Variants in MIPEP observed in about 807,000 individuals in gnomAD.
The protein encoded by MIPEP is mitochondrial intermediate peptidase.
In MIPEP, 79 loss-of-function variants were observed where a neutral mutation model predicts 90.3. That is an observed-to-expected ratio of 0.87 (90% CI 0.73 to 1.05). The LOEUF (loss-of-function observed/expected upper bound fraction) is 1.05. Among genes scored for constraint, MIPEP ranks in the 50% least tolerant of loss-of-function variants. MIPEP has a pLI of 0.00. For missense variants in MIPEP, 940 were observed against 905.6 expected (o/e 1.04, Z -0.49); for synonymous variants, 334 against 315.8 (o/e 1.06, Z -0.61).
chr13:23,814,299 C>A (rs1246333790), intron 14 of MIPEP, among the ~76,000 whole-genome samples: 2 of 152,182 alleles, frequency 1.3e-5, no homozygotes, highest in East Asian at 3.9e-4. Flanking sequence ...CTCTGTTGCC[C>A]AGGCTGGAGT....
chr13:23,864,007 T>C (rs1870422730), intron 8 of MIPEP, 134 bp downstream of exon 8: 4 of 533,548 alleles, frequency 7.5e-6, no homozygotes, highest in South Asian at 6.9e-5. Context: ...GTATGTCTCA[T>C]AGTGAGACAG....
intron 18 of MIPEP, among the ~76,000 whole-genome samples, chr13:23,755,835 C>T (rs1952485793): frequency 6.6e-6 from 1 of 151,818 alleles, no homozygotes; most frequent in South Asian, 2.1e-4. Context: ...ACAAATCTAA[C>T]CCAATGCCTT....
intron 1 of MIPEP, chr13:23,888,742 C>G: frequency 9.8e-7 from 1 of 1,020,922 alleles, no homozygotes; most frequent in Non-Finnish European, 1.2e-6. Context: ...TGTGAACGCA[C>G]AGGGATAGGC....
chr13:23,747,636 C>A, intron 18 of MIPEP: 1 of 440,660 alleles, frequency 2.3e-6, no homozygotes, highest in South Asian at 1.6e-5. Flanking sequence ...TAAAGAACTT[C>A]ACGAAAATAT....
chr13:23,770,810 T>C (rs559881050), intron 16 of MIPEP, among the ~76,000 whole-genome samples: 39 of 152,336 alleles, frequency 2.6e-4, no homozygotes, highest in African/African-American at 9.1e-4. Context: ...TGAGTTTGTA[T>C]TGTCCCTTTA....
At chr13:23,844,271 A>C (rs1457275181) in intron 10 of MIPEP, among the ~76,000 whole-genome samples, 1 of 152,150 alleles carries the variant, frequency 6.6e-6, no homozygotes, top group Non-Finnish European at 1.5e-5. Flanking sequence ...ACTGAGAGAA[A>C]GGAGTGCATG....
intron 2 of MIPEP, among the ~76,000 whole-genome samples, chr13:23,882,210 C>T (rs1407165229): frequency 6.6e-6 from 1 of 152,058 alleles, no homozygotes; most frequent in African/African-American, 2.4e-5. Context: ...GCTGTGACTA[C>T]AGGTGCCCAC....
intron 4 of MIPEP, among the ~76,000 whole-genome samples, chr13:23,875,934 A>T (rs918456504): frequency 1.3e-5 from 2 of 152,248 alleles, no homozygotes; most frequent in Middle Eastern, 6.8e-3. Context: ...ACAGTTCTCC[A>T]TGTCTTTAAA....
At chr13:23,859,148 A>T (rs540497549) in intron 9 of MIPEP, among the ~76,000 whole-genome samples, 23 of 152,218 alleles carry the variant, frequency 1.5e-4, no homozygotes, top group Non-Finnish European at 1.5e-4. Context: ...ATCTGGGGAA[A>T]AGACAAACAA....
At chr13:23,792,243 G>A (rs966286371) in intron 16 of MIPEP, among the ~76,000 whole-genome samples, 3 of 152,142 alleles carry the variant, frequency 2.0e-5, no homozygotes, top group Non-Finnish European at 4.4e-5. Context: ...ACTCCAAATG[G>A]GTATCACCAG....
intron 18 of MIPEP, among the ~76,000 whole-genome samples, chr13:23,739,402 T>A (rs1952301526): frequency 6.6e-6 from 1 of 152,230 alleles, no homozygotes; most frequent in South Asian, 2.1e-4. Context: ...AGGAACATTC[T>A]ACAGGACAAT....
At chr13:23,792,949 G>A (rs1186977686) in intron 16 of MIPEP, among the ~76,000 whole-genome samples, 3 of 152,170 alleles carry the variant, frequency 2.0e-5, no homozygotes, top group African/African-American at 4.8e-5. Context: ...AAAAAGGATT[G>A]ATTACATCCT....
intron 9 of MIPEP, among the ~76,000 whole-genome samples, chr13:23,860,368 T>C (rs532875659): frequency 6.6e-6 from 1 of 152,270 alleles, no homozygotes; most frequent in East Asian, 1.9e-4. Context: ...GGCACGTAAA[T>C]ATTAATTCAA....
At chr13:23,826,241 T>C (rs1382996072) in intron 14 of MIPEP, among the ~76,000 whole-genome samples, 1 of 152,154 alleles carries the variant, frequency 6.6e-6, no homozygotes, top group Non-Finnish European at 1.5e-5. Context: ...ATCATTCTCA[T>C]GGTAGAAGAC....
At chr13:23,812,816 C>G (rs1326198744) in intron 14 of MIPEP, among the ~76,000 whole-genome samples, 1 of 152,082 alleles carries the variant, frequency 6.6e-6, no homozygotes, top group East Asian at 1.9e-4. Flanking sequence ...AAGTTAAGTA[C>G]CCAATTATCT....
intron 4 of MIPEP, 63 bp from the exon 5 acceptor site, chr13:23,874,972 G>T (rs1009634044): frequency 1.9e-5 from 27 of 1,402,362 alleles, no homozygotes; most frequent in South Asian, 1.2e-4. Flanking sequence ...AAAAATTGTG[G>T]TTTTTTGTTA....
At chr13:23,865,672 A>ATT (rs1555241389) in intron 7 of MIPEP, among the ~76,000 whole-genome samples, 1 of 68,966 alleles carries the variant, frequency 1.4e-5, no homozygotes. Flanking sequence ...GCCTCAATTA[A>ATT]TTTTTTTTTT....
At position 23,889,180 on chromosome 13, in the gene MIPEP, G is replaced by A; in HGVS notation, c.141C>T (p.Phe47=). The A allele has an allele frequency of 6.8e-7, 1 of 1,468,390 alleles. No homozygotes were observed. Among genetic ancestry groups the A allele is most frequent in the South Asian group, 1.3e-5 (1 of 74,524 alleles). 91.0% of individuals were successfully genotyped at this position (1,468,390 alleles called of 1,614,324 possible). A position where few individuals can be genotyped will look rare whatever the true frequency, so the allele number is the denominator to read the frequency against. Reference sequence around the variant, plus strand: ...AGCGGCTGCCCTGGGGCTTGACATTGAAGGCGGCGCCCACGGGAGACCAGC... The same window carrying A: ...AGCGGCTGCCCTGGGGCTTGACATTAAAGGCGGCGCCCACGGGAGACCAGC... The part of the protein sequence containing the change: ...STSWSPVGAA[F]NVKPQGSRLD... Residue 47 remains phenylalanine, a synonymous_variant, in exon 1 of 19, where the codon TTC becomes TTT. Coordinates refer to ENST00000382172, the MANE Select transcript of MIPEP (RefSeq NM_005932.4).
In MIPEP at chr13:23,889,274, G is replaced by C; in HGVS notation, c.47C>G (p.Ala16Gly). Residue 16 changes from alanine to glycine, a missense_variant, in exon 1 of 19, where the codon GCT (alanine) becomes GGT (glycine). Ala to Gly is a moderately conservative substitution (Grantham distance 60). Coordinates refer to ENST00000382172, the MANE Select transcript of MIPEP (RefSeq NM_005932.4). ...CCGGCCCGCCCGGCGGGGCGGCAGA[G>C]CTGCTGCTCTGGCTCCCAAGCCGCC... Reference protein sequence around the residue: ...RLGGLGARAAALPPRRAGRGS... With the variant: ...RLGGLGARAAGLPPRRAGRGS... The C allele has an allele frequency of 7.3e-7, 1 of 1,379,102 alleles. No homozygotes were observed. The allele number at this position is 1,379,102 out of a possible 1,614,324, so 85.4% of individuals were successfully genotyped here.
Sources: allele counts gnomAD v4.1 joint callset (sites outside exome capture counted in the v4.1 genomes callset), GRCh38; gene constraint gnomAD v4.1.1; transcripts MANE v1.5; gene names NCBI Gene and HGNC (gene_info 2026-07-23, HGNC 2026-07-21).